KTN1: variants seen among roughly 807,000 people sequenced by gnomAD.
The protein encoded by KTN1 is kinectin 1, also known as kinectin.
A neutral mutation model predicts 222.5 loss-of-function variants in KTN1; 130 were observed. The observed-to-expected ratio is 0.58, with a 90% CI of 0.51 to 0.68. The LOEUF is 0.68. Among genes scored for constraint, KTN1 ranks in the 30% least tolerant of loss-of-function variants. The pLI is 0.00. For missense variants in KTN1, 1,508 were observed against 1,500.4 expected (o/e 1.01, Z -0.08); for synonymous variants, 512 against 496.3 (o/e 1.03, Z -0.42).
intron 1 of KTN1, among the ~76,000 whole-genome samples, chr14:55,599,683 G>T (rs1475643302): frequency 6.6e-6 from 1 of 152,046 alleles, no homozygotes; most frequent in Non-Finnish European, 1.5e-5. Flanking sequence ...CGCCATGTTG[G>T]CCAGGTGGTT....
chr14:55,618,514 T>G (rs2038705250), intron 4 of KTN1, among the ~76,000 whole-genome samples: 1 of 151,670 alleles, frequency 6.6e-6, no homozygotes, highest in South Asian at 2.1e-4. Flanking sequence ...TGTTTCCACA[T>G]AAGTACACAA....
At chr14:55,606,261 C>T (rs967658379) in intron 1 of KTN1, among the ~76,000 whole-genome samples, 1 of 152,068 alleles carries the variant, frequency 6.6e-6, no homozygotes, top group Admixed American at 6.6e-5. Context: ...TTTAGTTGTC[C>T]AGACATTGAT....
intron 34 of KTN1, 34 bp downstream of exon 34, chr14:55,667,364 A>G (rs909763178): frequency 9.4e-6 from 12 of 1,281,478 alleles, no homozygotes; most frequent in Non-Finnish European, 3.3e-6. Context: ...TAACATGATG[A>G]CATTATTCAA....
In KTN1 at chr14:55,662,793, T is replaced by A. The variant is rs561354332; in HGVS notation, c.3091-1162T>A. The A allele has an allele frequency of 5.5e-5, 23 of 414,432 alleles. No homozygotes were observed. In the Middle Eastern group the frequency reaches 1.2e-3, roughly 22 times the overall value. The allele number at this position is 414,432 out of a possible 1,614,324, so 25.7% of individuals were successfully genotyped here. ...AATTAGGTACATGAATTGCCACTTC[T>A]GTGTTGGTATAACAGTACTAACAGC... On this transcript the variant is annotated intron_variant, in intron 32 of 43. Coordinates refer to ENST00000395314, the MANE Select transcript of KTN1 (RefSeq NM_001079521.2).
chr14:55,684,273 G>T lies in KTN1; in HGVS notation c.*170G>T. On this transcript the variant is annotated 3_prime_UTR_variant, in exon 44 of 44. Coordinates refer to ENST00000395314, the MANE Select transcript of KTN1 (RefSeq NM_001079521.2). ...CTGATTTAAAGAAGGAAAAAAAAAA[G>T]CCAACTCTGTAGACACCTTCAGAGT... is the stretch of plus-strand genomic sequence containing the variant. The T allele has an allele frequency of 2.1e-6, 1 of 478,888 alleles. No individual in the cohort carries two copies. 29.7% of individuals were successfully genotyped at this position (478,888 alleles called of 1,614,324 possible).
At chr14:55,633,370 T>C (rs909695464) in intron 8 of KTN1, 29 bp downstream of exon 8, 4 of 1,257,194 alleles carry the variant, frequency 3.2e-6, no homozygotes, top group Non-Finnish European at 4.4e-6. Flanking sequence ...TATTTTTTAA[T>C]TGAATGGCAG....
chr14:55,595,923 G>A (rs1435061593), intron 1 of KTN1, among the ~76,000 whole-genome samples: 1 of 152,036 alleles, frequency 6.6e-6, no homozygotes, highest in African/African-American at 2.4e-5. Flanking sequence ...GGGAGGCCGA[G>A]GTGGGCGGAT....
chr14:55,638,778 T>C (rs2041429616), intron 12 of KTN1, among the ~76,000 whole-genome samples: 1 of 151,858 alleles, frequency 6.6e-6, no homozygotes, highest in Non-Finnish European at 1.5e-5. Flanking sequence ...AAGAATCTTT[T>C]AAATAGTAAA....
At chr14:55,585,186 CATT>C (rs2032718203) in intron 1 of KTN1, among the ~76,000 whole-genome samples, 1 of 148,158 alleles carries the variant, frequency 6.7e-6, no homozygotes, top group African/African-American at 2.5e-5. Flanking sequence ...ATGGATAACT[CATT>C]ATTGGATACA....
rs1159224480 is a variant in KTN1, at chr14:55,580,207, G to C, written c.-178G>C. The C allele has an allele frequency of 6.6e-6, 1 of 151,678 alleles. No homozygotes were observed. Among genetic ancestry groups the C allele is most frequent in the Non-Finnish European group, 1.5e-5 (1 of 68,378 alleles). 9.4% of individuals were successfully genotyped at this position (151,678 alleles called of 1,614,324 possible). A position where few individuals can be genotyped will look rare whatever the true frequency, so the allele number is the denominator to read the frequency against. On this transcript the variant is annotated 5_prime_UTR_variant, in exon 1 of 44. Transcript: ENST00000395314. ...TGCCGGGTCCGCCCCGCCCCGCCCCGAAGCCGCCCGTTTCCTGCCGAGCGG... is the reference window on the plus strand; with the variant it reads ...TGCCGGGTCCGCCCCGCCCCGCCCCCAAGCCGCCCGTTTCCTGCCGAGCGG...
At chr14:55,615,673 G>A (rs1373661772) in intron 2 of KTN1, among the ~76,000 whole-genome samples, 2 of 152,110 alleles carry the variant, frequency 1.3e-5, no homozygotes, top group African/African-American at 4.8e-5. Flanking sequence ...TAAAAATCAG[G>A]TTGCAATTAG....
intron 1 of KTN1, among the ~76,000 whole-genome samples, chr14:55,583,642 T>C (rs560056545): frequency 5.9e-5 from 9 of 152,318 alleles, no homozygotes; most frequent in African/African-American, 2.2e-4. Flanking sequence ...ACATGCTCAG[T>C]CCTTGTTTCA....
chr14:55,618,991 G>A (rs112252308), intron 4 of KTN1, among the ~76,000 whole-genome samples, 191 bp from the exon 5 acceptor site: 226 of 152,100 alleles, frequency 1.5e-3, no homozygotes, highest in Non-Finnish European at 2.1e-3. Context: ...TAATTATTCC[G>A]TATTATAGAT....
At chr14:55,626,027 C>CATT (rs1161080394) in intron 5 of KTN1, among the ~76,000 whole-genome samples, 4 of 152,104 alleles carry the variant, frequency 2.6e-5, no homozygotes, top group African/African-American at 9.7e-5. Context: ...TATGGCTTGA[C>CATT]ATTGACTGCT....
chr14:55,612,490 GTTACTAAAC>G lies in KTN1; in HGVS notation c.443_451del (p.Val148_Gln151delinsGlu). 6.2e-7 allele frequency: 1 copy of G among 1,614,024 alleles called. No homozygotes were observed. The highest frequency in any genetic ancestry group is 8.5e-7 in the Non-Finnish European group (1 of 1,179,982). On this transcript the variant is annotated inframe_deletion, in exon 2 of 44. Coordinates refer to ENST00000395314, the MANE Select transcript of KTN1 (RefSeq NM_001079521.2). Reference sequence around the variant, plus strand: ...TGGCAAAAAAGTAGAACCTGTCCCAGTTACTAAACAGCCCACCCCTCCCTCTGAAGCAGC... The same window carrying G: ...TGGCAAAAAAGTAGAACCTGTCCCAGAGCCCACCCCTCCCTCTGAAGCAGC...
In KTN1 at chr14:55,650,229, G is replaced by C; in HGVS notation, c.2406-99G>C. 4.0e-6 allele frequency: 3 copies of C among 757,596 alleles called. No homozygotes were observed. In the South Asian group the frequency reaches 5.7e-5, roughly 14 times the overall value. The allele number at this position is 757,596 out of a possible 1,614,324, so 46.9% of individuals were successfully genotyped here. ...TGCTATTTTATTTAAAATGGGAAAG[G>C]GTTGATTTGGAGAGCCATTTCATTA... On this transcript the variant is annotated intron_variant, in intron 22 of 43. Transcript: ENST00000395314.
At chr14:55,614,800 A>G (rs1248826167) in intron 2 of KTN1, among the ~76,000 whole-genome samples, 2 of 152,188 alleles carry the variant, frequency 1.3e-5, no homozygotes, top group Non-Finnish European at 1.5e-5. Flanking sequence ...CTTTGCAGAA[A>G]AAGTTTGCCA....
At chr14:55,602,144 A>G (rs2092042052) in intron 1 of KTN1, among the ~76,000 whole-genome samples, 1 of 152,204 alleles carries the variant, frequency 6.6e-6, no homozygotes, top group Admixed American at 6.5e-5. Context: ...AGCAAACTAA[A>G]TTTTTGTATG....
intron 1 of KTN1, among the ~76,000 whole-genome samples, chr14:55,597,355 A>G (rs1458841868): frequency 1.3e-5 from 2 of 152,232 alleles, no homozygotes; most frequent in Non-Finnish European, 2.9e-5. Context: ...TTGTGAATGT[A>G]TTAAAGCAAA....
Sources: gnomAD v4.1 joint callset for allele counts (sites outside exome capture counted in the v4.1 genomes callset) on GRCh38, gnomAD v4.1.1 for gene constraint, MANE v1.5 for transcripts, NCBI Gene and HGNC (gene_info 2026-07-23, HGNC 2026-07-21) for gene names.